Variants in PDE4DIP observed in about 807,000 individuals in gnomAD.
The protein encoded by PDE4DIP is myomegalin.
Under a neutral mutation model 221.4 loss-of-function variants are expected in PDE4DIP, and 59 were observed. The observed-to-expected ratio is 0.27, with a 90% CI of 0.22 to 0.33. The LOEUF (loss-of-function observed/expected upper bound fraction) is 0.33. Among genes scored for constraint, PDE4DIP ranks in the 10% least tolerant of loss-of-function variants. The pLI, the probability that PDE4DIP is intolerant of heterozygous loss-of-function variation, is 1.00. For missense variants in PDE4DIP, 1,036 were observed against 2,154.2 expected (o/e 0.48, Z 10.28); for synonymous variants, 404 against 815.9 (o/e 0.50, Z 8.60).
chr1:148,977,703 G>C (rs1446477206), intron 17 of PDE4DIP, among the ~76,000 whole-genome samples: 1 of 152,108 alleles, frequency 6.6e-6, no homozygotes, highest in African/African-American at 2.4e-5. Flanking sequence ...AAACAAATTT[G>C]ATGTGTTTTA....
At chr1:148,979,650 C>T (rs191504329) in intron 19 of PDE4DIP, 87 bp from the exon 23 acceptor site, 1 of 1,218,620 alleles carries the variant, frequency 8.2e-7, no homozygotes, top group East Asian at 2.4e-5. Context: ...CTTTTTAAGT[C>T]ATAGTACATG....
At chr1:148,915,306 C>G (rs1469909545) in intron 1 of PDE4DIP, among the ~76,000 whole-genome samples, 2 of 152,266 alleles carry the variant, frequency 1.3e-5, no homozygotes, top group Non-Finnish European at 2.9e-5. Context: ...CACCACCACA[C>G]CTGGCTAATT....
Position 149,020,240 on chromosome 1 carries a change from TG to T in PDE4DIP, c.5866del (p.Glu1956LysfsTer9), listed in dbSNP as rs1553616651. On this transcript the variant is annotated frameshift_variant, in exon 36 of 44. Transcript: ENST00000369354. LOFTEE classifies it high-confidence loss of function. The stretch of plus-strand genomic sequence containing the variant: ...GAAAAGGAGCTGGAGCACCAGAAGG[TG>T]GAAAGGCAGCAGCTTTTGGAAGACT... 1.8e-6 allele frequency: 1 copy of T among 553,386 alleles called. No individual in the cohort carries two copies. The highest frequency in any genetic ancestry group is 3.4e-5 in the Admixed American group (1 of 29,454). 34.3% of individuals were successfully genotyped at this position (553,386 alleles called of 1,614,324 possible).
At chr1:148,954,004 T>C in intron 5 of PDE4DIP, 1 of 722,622 alleles carries the variant, frequency 1.4e-6, no homozygotes, top group South Asian at 1.7e-5. Flanking sequence ...TATTCTGGAC[T>C]TGAGAAAATT....
intron 41 of PDE4DIP, 40 bp from the exon 45 acceptor site, chr1:149,029,747 C>T (rs782573324): frequency 1.2e-5 from 12 of 1,030,018 alleles, no homozygotes; most frequent in African/African-American, 9.6e-5. Context: ...GTGCTTTAGG[C>T]CTTCTGCCTG....
At chr1:148,999,723 G>T (rs868940912) in intron 23 of PDE4DIP, among the ~76,000 whole-genome samples, 53 of 151,718 alleles carry the variant, frequency 3.5e-4, no homozygotes, top group Non-Finnish European at 6.2e-4. Context: ...TGATTCTATT[G>T]TTGAACCTAC....
chr1:148,890,754 C>CAAA (rs58620673), intron 1 of PDE4DIP, among the ~76,000 whole-genome samples: 5 of 37,706 alleles, frequency 1.3e-4, no homozygotes, highest in Non-Finnish European at 1.8e-4. Flanking sequence ...GAGTCTGTCT[C>CAAA]AAAAAAAAAA....
Position 148,857,359 on chromosome 1 carries a change from C to CTT in PDE4DIP, c.234-5872_234-5871dup, listed in dbSNP as rs386368251. Among the ~76,000 whole-genome samples the CTT allele has an allele frequency of 5.7e-4, 30 of 52,514 alleles. 1 individual carries two copies. The highest frequency in any genetic ancestry group is 8.9e-4 in the Non-Finnish European group (28 of 31,402). 34.5% of individuals were successfully genotyped at this position (52,514 alleles called of 152,430 possible). A position where few individuals can be genotyped will look rare whatever the true frequency, so the allele number is the denominator to read the frequency against. ...CAATAGTGCAAATCTTAGCCCCTTTCTTTTTTTTTTTTTTTTTTTTGAGAC... is the reference window on the plus strand; with the variant it reads ...CAATAGTGCAAATCTTAGCCCCTTTCTTTTTTTTTTTTTTTTTTTTTTGAGAC... On this transcript the variant is annotated intron_variant, in intron 1 of 45. Transcript: ENST00000524974.
At chr1:148,885,930 G>T (rs1296573838), upstream of PDE4DIP, among the ~76,000 whole-genome samples, 1 of 97,706 alleles carries the variant, frequency 1.0e-5, no homozygotes, top group African/African-American at 3.8e-5. Flanking sequence ...TACATAGTAA[G>T]ATTTACAGAC....
chr1:148,975,198 T>C (rs1310155626), intron 17 of PDE4DIP, among the ~76,000 whole-genome samples: 2 of 148,038 alleles, frequency 1.4e-5, no homozygotes, highest in Non-Finnish European at 3.0e-5. Flanking sequence ...ATAATAATAA[T>C]TGTAAAGCAC....
chr1:148,961,219 A>G (rs1553509554), intron 6 of PDE4DIP, among the ~76,000 whole-genome samples: 2 of 152,306 alleles, frequency 1.3e-5, no homozygotes, highest in Non-Finnish European at 2.9e-5. Context: ...GAGGCAAGAC[A>G]ATCGCTTGAA....
intron 1 of PDE4DIP, among the ~76,000 whole-genome samples, chr1:148,815,547 C>CAAAAA (rs3978512): frequency 7.6e-5 from 2 of 26,460 alleles, no homozygotes; most frequent in Non-Finnish European, 1.6e-4. Flanking sequence ...GACTCTGTCT[C>CAAAAA]AAAAAAAAAA....
chr1:149,030,360 C>T (rs1699758), intron 43 of PDE4DIP, 82 bp downstream of exon 46: 2 of 1,550,022 alleles, frequency 1.3e-6, no homozygotes, highest in Admixed American at 2.0e-5. Flanking sequence ...TGTAGGTGAC[C>T]CTTGGCCTGC....
intron 2 of PDE4DIP, chr1:148,929,831 G>T (rs1248499891): frequency 6.5e-6 from 1 of 152,704 alleles, no homozygotes; most frequent in East Asian, 1.9e-4. Flanking sequence ...TGCATCATTA[G>T]TTGTAATGGC....
rs782381154 is a variant in PDE4DIP at position 148,953,917 on chromosome 1, G to A, written c.637-6737G>A. The A allele has an allele frequency of 1.9e-5, 31 of 1,606,460 alleles. 1 individual carries two copies. In the East Asian group the frequency reaches 3.3e-4, roughly 17 times the overall value. On this transcript the variant is annotated intron_variant, in intron 5 of 43. Coordinates refer to ENST00000369354, the Ensembl canonical transcript of PDE4DIP. ...CGCTCCGGGTCCAGGTATACAAAAC[G>A]GCTACATAGTGCCTTTCTGATTATA...
Position 149,028,717 on chromosome 1 carries a change from G to C in PDE4DIP, c.6813+14G>C, listed in dbSNP as rs782314051. The C allele has an allele frequency of 6.6e-7, 1 of 1,509,302 alleles. No homozygotes were observed. Among genetic ancestry groups the C allele is most frequent in the African/African-American group, 1.4e-5 (1 of 71,996 alleles). 93.5% of individuals were successfully genotyped at this position (1,509,302 alleles called of 1,614,324 possible). ...CCTGGCAAAGTGGTAAGATGCCAGT[G>C]CCCTTTCTTGGTTCAAACCCAGTTC... On this transcript the variant is annotated intron_variant, in intron 41 of 43. Coordinates refer to ENST00000369354, the Ensembl canonical transcript of PDE4DIP.
At position 148,998,205 on chromosome 1, in the gene PDE4DIP, C is replaced by A. The variant is rs145157615; in HGVS notation, c.2967C>A (p.Ser989=). Residue 989 remains serine (S), a synonymous_variant, in exon 23 of 44, where the codon TCC becomes TCA. Coordinates refer to ENST00000369354, the Ensembl canonical transcript of PDE4DIP. ...TGGAGACCCAGAACCCATCTTTTTC[C>A]CCTCCTTCTCCGATGGGAGGGGACA... 1.8e-3 allele frequency: 2,727 copies of A among 1,507,302 alleles called. 16 individuals carry two copies. The Middle Eastern group carries it at 0.024, about 14-fold the overall frequency. The allele number at this position is 1,507,302 out of a possible 1,614,324, so 93.4% of individuals were successfully genotyped here.
chr1:148,881,537 CTTTAG>C (rs1380089099), intron 3 of PDE4DIP, among the ~76,000 whole-genome samples: 1 of 128,840 alleles, frequency 7.8e-6, no homozygotes, highest in African/African-American at 3.1e-5. Flanking sequence ...TGAGAGCCAA[CTTTAG>C]TTTATTCATC....
rs147331822 is a variant in PDE4DIP at position 149,029,879 on chromosome 1, C to T, written c.6906C>T (p.Asn2302=). The T allele has an allele frequency of 2.9e-4, 456 of 1,599,432 alleles. 1 individual carries two copies. The African/African-American group carries it at 4.7e-3, about 16-fold the overall frequency. ...AGAGCACAACTGAGCATCTGAAGAA[C>T]GCCAACCAGCAGAAGGAGAGCATGG... The change falls in exon 42 of 44, where the codon AAC becomes AAT. Residue 2302 remains asparagine (N), a synonymous_variant. Transcript: ENST00000369354.
Sources: gnomAD v4.1 joint callset for allele counts (sites outside exome capture counted in the v4.1 genomes callset) on GRCh38, gnomAD v4.1.1 for gene constraint, MANE v1.5 for transcripts, NCBI Gene and HGNC (gene_info 2026-07-23, HGNC 2026-07-21) for gene names.